Variants in TSHZ2 observed in about 807,000 individuals in gnomAD.
TSHZ2 encodes teashirt zinc finger homeobox 2, also known as teashirt homolog 2.
In TSHZ2, 21 loss-of-function variants were observed where a neutral mutation model predicts 74.4. That is an observed-to-expected ratio of 0.28 (90% CI 0.20 to 0.41). The LOEUF (loss-of-function observed/expected upper bound fraction) is 0.41, where lower values mean the gene tolerates loss of function less well. Ranked by LOEUF, TSHZ2 falls within the 10% of genes least tolerant of loss-of-function variation. TSHZ2 has a pLI of 1.00. For missense variants in TSHZ2, 1,244 were observed against 1,293.5 expected, an observed-to-expected ratio of 0.96 and a Z score of 0.59; for synonymous variants, 540 against 515.3, an observed-to-expected ratio of 1.05 and a Z score of -0.65.
chr20:53,270,254 G>C (rs1456601735), intron 2 of TSHZ2, among the ~76,000 whole-genome samples: 1 of 152,146 alleles, frequency 6.6e-6, no homozygotes, highest in East Asian at 1.9e-4. Flanking sequence ...CTTGGTGCCT[G>C]CAAGTGTGTG....
rs1473549791 is a variant in TSHZ2, at chr20:53,256,972, TTA to T, written c.*8+404_*8+405del. Reference sequence around the variant, plus strand: ...ACCTTTCCATAGCAATGCCAATGACTTATAAAGTGACAAAAAGTTGAGCAATG... The same window carrying T: ...ACCTTTCCATAGCAATGCCAATGACTTAAAGTGACAAAAAGTTGAGCAATG... On this transcript the variant is annotated intron_variant, in intron 2 of 2. Transcript: ENST00000371497. This position sits in a 1 kb window ranked among gnomAD's most constrained non-coding sequence, Gnocchi z 4.3. Among the ~76,000 whole-genome samples, 1 of 152,208 alleles carries T rather than the reference TTA, an allele frequency of 6.6e-6. No individual in the cohort carries two copies.
intron 1 of TSHZ2, among the ~76,000 whole-genome samples, chr20:53,109,057 A>G (rs371080357): frequency 6.6e-6 from 1 of 151,698 alleles, no homozygotes; most frequent in African/African-American, 2.4e-5. Flanking sequence ...CCACCCTCTC[A>G]TCTCCTGACT....
chr20:53,022,902 A>G (rs1019251520), intron 1 of TSHZ2, among the ~76,000 whole-genome samples: 3 of 152,216 alleles, frequency 2.0e-5, no homozygotes, highest in African/African-American at 7.2e-5. Context: ...AATTACATGA[A>G]TAGGTCCAAT....
chr20:53,440,958 A>T (rs1984289750), intron 2 of TSHZ2, among the ~76,000 whole-genome samples: 1 of 152,202 alleles, frequency 6.6e-6, no homozygotes, highest in South Asian at 2.1e-4. Flanking sequence ...GCTGAGAACC[A>T]TTGTCACAGA....
At chr20:53,370,827 A>C (rs1981441889) in intron 2 of TSHZ2, among the ~76,000 whole-genome samples, 1 of 152,214 alleles carries the variant, frequency 6.6e-6, no homozygotes, top group Non-Finnish European at 1.5e-5. Flanking sequence ...TGGCTGAGGG[A>C]TGGCACGTTC....
At chr20:53,192,826 CA>C (rs1180192547) in intron 1 of TSHZ2, among the ~76,000 whole-genome samples, 1 of 152,142 alleles carries the variant, frequency 6.6e-6, no homozygotes, top group Non-Finnish European at 1.5e-5. Context: ...GCAATTTTTC[CA>C]AACTTTTCAT....
chr20:53,329,542 G>T (rs2145543958), intron 2 of TSHZ2, among the ~76,000 whole-genome samples: 1 of 152,084 alleles, frequency 6.6e-6, no homozygotes, highest in Non-Finnish European at 1.5e-5. Context: ...GGCATTTACT[G>T]GCACAGCTGA....
At chr20:53,408,902 TG>T (rs1982943382) in intron 2 of TSHZ2, among the ~76,000 whole-genome samples, 1 of 152,236 alleles carries the variant, frequency 6.6e-6, no homozygotes. Flanking sequence ...ACTTTTCTGC[TG>T]TTGTTTCTTT....
chr20:53,346,306 T>A (rs1389119642), intron 2 of TSHZ2, among the ~76,000 whole-genome samples: 1 of 152,196 alleles, frequency 6.6e-6, no homozygotes, highest in Non-Finnish European at 1.5e-5. Flanking sequence ...ACTGAGGAAA[T>A]TTTTTGATGG....
chr20:53,324,164 ACAGGAATGGTTC>A (rs1979398991), intron 2 of TSHZ2, among the ~76,000 whole-genome samples: 2 of 152,160 alleles, frequency 1.3e-5, no homozygotes, highest in African/African-American at 4.8e-5. Context: ...GCCTCCACTC[ACAGGAATGGTTC>A]CAGTGGCGGG....
intron 2 of TSHZ2, among the ~76,000 whole-genome samples, chr20:53,433,768 C>G (rs552518083): frequency 6.6e-6 from 1 of 152,304 alleles, no homozygotes; most frequent in Non-Finnish European, 1.5e-5. Context: ...CTGTAACCAG[C>G]AATTGACTGG....
At chr20:53,221,053 CAT>C in intron 1 of TSHZ2, among the ~76,000 whole-genome samples, 1 of 152,322 alleles carries the variant, frequency 6.6e-6, no homozygotes, top group Non-Finnish European at 1.5e-5. Context: ...ATAACTGAAT[CAT>C]AGGGGTGGTT....
intron 1 of TSHZ2, among the ~76,000 whole-genome samples, chr20:53,001,070 C>T (rs779760379): frequency 1.9e-4 from 29 of 152,078 alleles, no homozygotes; most frequent in Non-Finnish European, 2.9e-4. Context: ...TTTTAAGACA[C>T]AGATAGCAGA....
At chr20:53,449,261 ATTCTC>A (rs1416976805) in intron 2 of TSHZ2, among the ~76,000 whole-genome samples, 1 of 152,224 alleles carries the variant, frequency 6.6e-6, no homozygotes, top group Non-Finnish European at 1.5e-5. Context: ...TGTTCTTTAG[ATTCTC>A]TTCTCCTTTC....
intron 2 of TSHZ2, among the ~76,000 whole-genome samples, chr20:53,476,660 G>C (rs1223244340): frequency 7.0e-6 from 1 of 142,114 alleles, no homozygotes; most frequent in Non-Finnish European, 1.5e-5. Context: ...TTCTGGCCAG[G>C]GCAATTAGGC....
At chr20:53,419,030 G>A (rs913914259) in intron 2 of TSHZ2, among the ~76,000 whole-genome samples, 1 of 152,232 alleles carries the variant, frequency 6.6e-6, no homozygotes. Context: ...GTGCAATGAA[G>A]CAGCTCTTGT....
rs762992567 is a variant in TSHZ2, at chr20:53,226,427, G to GGTGTGT, written c.41-27069_41-27064dup. Among the ~76,000 whole-genome samples the GGTGTGT allele has an allele frequency of 6.4e-3, 965 of 149,654 alleles. 10 individuals carry two copies. The highest frequency in any genetic ancestry group is 0.022 in the African/African-American group (899 of 40,624). ...GTTATTGTCATGAAGTGTGTGGGTC[G>GGTGTGT]GTGTGTGTATGTGTGTGTGTGTGTG... On this transcript the variant is annotated intron_variant, in intron 1 of 2. Coordinates refer to ENST00000371497, the MANE Select transcript of TSHZ2 (RefSeq NM_173485.6).
At chr20:53,472,369 G>A (rs1255627656) in intron 2 of TSHZ2, among the ~76,000 whole-genome samples, 1 of 152,120 alleles carries the variant, frequency 6.6e-6, no homozygotes, top group East Asian at 1.9e-4. Context: ...GAGGAGTGAG[G>A]GCACAGTCAA....
intron 1 of TSHZ2, among the ~76,000 whole-genome samples, chr20:52,976,220 G>A (rs957938742): frequency 2.0e-5 from 3 of 152,168 alleles, no homozygotes; most frequent in Non-Finnish European, 4.4e-5. Context: ...TATTTGTTAT[G>A]TTCCTCCCCC....
Sources: gnomAD v4.1 joint callset for allele counts (sites outside exome capture counted in the v4.1 genomes callset) on GRCh38, gnomAD v4.1.1 for gene constraint, Gnocchi (gnomAD v3.1) non-coding constraint, MANE v1.5 for transcripts, NCBI Gene and HGNC (gene_info 2026-07-23, HGNC 2026-07-21) for gene names.